GABRB1: variants seen among roughly 807,000 people sequenced by gnomAD.
The protein encoded by GABRB1 is gamma-aminobutyric acid type A receptor subunit beta1, also known as gamma-aminobutyric acid receptor subunit beta-1.
Under a neutral mutation model 51.6 loss-of-function variants are expected in GABRB1, and 17 were observed. The ratio of observed to expected loss-of-function variants is 0.33; its 90% CI spans 0.23 to 0.49. The LOEUF is 0.49. Among genes scored for constraint, GABRB1 ranks in the 20% least tolerant of loss-of-function variants. The pLI is 0.99. For missense variants in GABRB1, 410 were observed against 600.6 expected (o/e 0.68, Z 3.32); for synonymous variants, 247 against 218.9 (o/e 1.13, Z -1.14).
intron 5 of GABRB1, among the ~76,000 whole-genome samples, chr4:47,353,546 T>C (rs1726441497): frequency 6.6e-6 from 1 of 152,198 alleles, no homozygotes; most frequent in East Asian, 1.9e-4. Context: ...GGCGAAGTGA[T>C]ATAATAGAAA....
chr4:47,125,555 A>ATTTTTTTTTTTTTTTTTTTTTT (rs570181191), intron 3 of GABRB1, among the ~76,000 whole-genome samples: 2 of 21,020 alleles, frequency 9.5e-5, no homozygotes, highest in Non-Finnish European at 2.1e-4. Flanking sequence ...ACAAAGTATA[A>ATTTTTTTTTTTTTTTTTTTTTT]TTTCTTTTTT....
chr4:47,374,885 C>T (rs976194516), intron 5 of GABRB1, among the ~76,000 whole-genome samples: 1 of 152,126 alleles, frequency 6.6e-6, no homozygotes, highest in African/African-American at 2.4e-5. Context: ...CATAAAGGGC[C>T]TTGCAGTCCA....
intron 3 of GABRB1, among the ~76,000 whole-genome samples, chr4:47,062,187 C>T (rs1010017289): frequency 5.9e-5 from 9 of 152,016 alleles, no homozygotes; most frequent in South Asian, 2.1e-4. Context: ...CCAAATTCCA[C>T]GAAGAACAGA....
chr4:47,237,346 A>G (rs1465251058), intron 4 of GABRB1, among the ~76,000 whole-genome samples: 2 of 152,044 alleles, frequency 1.3e-5, no homozygotes, highest in African/African-American at 2.4e-5. Context: ...GAAAAACCAG[A>G]GAAATAAACT....
In GABRB1 at chr4:47,280,757, C is replaced by T. The variant is rs530805395; in HGVS notation, c.462-39370C>T. 2.0e-5 allele frequency among the ~76,000 whole-genome samples: 3 copies of T among 151,794 alleles called. No homozygotes were observed. In the East Asian group the frequency reaches 5.8e-4, roughly 29 times the overall value. On this transcript the variant is annotated intron_variant, in intron 4 of 8. Transcript: ENST00000295454. Reference sequence around the variant, plus strand: ...CTAACATTTGGGCTTAAGAGATCCTCCCACCTCTGCCTCCAAAGAAGCTAA... The same window carrying T: ...CTAACATTTGGGCTTAAGAGATCCTTCCACCTCTGCCTCCAAAGAAGCTAA...
intron 8 of GABRB1, among the ~76,000 whole-genome samples, chr4:47,416,450 T>C (rs1417964976): frequency 6.6e-6 from 1 of 151,950 alleles, no homozygotes; most frequent in Admixed American, 6.6e-5. Flanking sequence ...ATCATTTGTT[T>C]TACTTTTTTT....
At chr4:47,279,114 GGA>G (rs1474757469) in intron 4 of GABRB1, among the ~76,000 whole-genome samples, 1 of 151,854 alleles carries the variant, frequency 6.6e-6, no homozygotes. Context: ...ATGGATGGAT[GGA>G]TGGATGGATG....
intron 4 of GABRB1, among the ~76,000 whole-genome samples, chr4:47,316,238 A>G (rs1222220822): frequency 1.3e-5 from 2 of 151,622 alleles, no homozygotes; most frequent in Non-Finnish European, 3.0e-5. Context: ...TTTTCCTTTC[A>G]TCACTCCCTT....
At chr4:47,275,384 C>T (rs1723037092) in intron 4 of GABRB1, among the ~76,000 whole-genome samples, 1 of 152,042 alleles carries the variant, frequency 6.6e-6, no homozygotes, top group Non-Finnish European at 1.5e-5. Context: ...AATAAAAAGC[C>T]CTGCGTTCCT....
intron 5 of GABRB1, among the ~76,000 whole-genome samples, chr4:47,399,009 C>T (rs895048545): frequency 2.0e-5 from 3 of 152,218 alleles, no homozygotes; most frequent in African/African-American, 4.8e-5. Context: ...CCAGGATGGT[C>T]TCAATCTCCT....
intron 3 of GABRB1, among the ~76,000 whole-genome samples, chr4:47,100,823 G>A (rs1714687283): frequency 1.3e-5 from 2 of 151,984 alleles, no homozygotes; most frequent in African/African-American, 4.8e-5. Context: ...AACCATACAA[G>A]AGTTTATGTT....
At chr4:47,174,139 A>T (rs6447539) in intron 4 of GABRB1, among the ~76,000 whole-genome samples, 107,708 of 151,962 alleles carry the variant, frequency 0.71, 38,642 homozygotes, top group Middle Eastern at 0.86. Context: ...ATCATGGCTC[A>T]CTGCAACCTC....
chr4:47,215,391 C>G (rs766830283), intron 4 of GABRB1, among the ~76,000 whole-genome samples: 2 of 152,010 alleles, frequency 1.3e-5, no homozygotes, highest in Non-Finnish European at 2.9e-5. Context: ...CCTTATAAAA[C>G]AGTAATTCTC....
intron 4 of GABRB1, among the ~76,000 whole-genome samples, chr4:47,260,043 C>G (rs969767062): frequency 1.3e-5 from 2 of 152,086 alleles, no homozygotes; most frequent in Non-Finnish European, 2.9e-5. Flanking sequence ...GGATAGTTAG[C>G]TCTTCTTGTT....
In GABRB1 at chr4:47,199,245, ATAAGT is replaced by A. The variant is rs1407932848; in HGVS notation, c.461+37780_461+37784del. Among the ~76,000 whole-genome samples the A allele has an allele frequency of 2.6e-5, 4 of 152,308 alleles. No homozygotes were observed. The East Asian group carries it at 7.7e-4, about 29-fold the overall frequency. On this transcript the variant is annotated intron_variant, in intron 4 of 8. Transcript: ENST00000295454. ...ATTCTTAACTTACTCAAATTGCAAA[ATAAGT>A]TAAATTAGGAGATTAACTCTCAGAA...
chr4:47,416,828 G>A (rs1486744470), intron 8 of GABRB1, among the ~76,000 whole-genome samples: 1 of 151,998 alleles, frequency 6.6e-6, no homozygotes, highest in Non-Finnish European at 1.5e-5. Flanking sequence ...GATCATTCCA[G>A]CTTCTATGTA....
chr4:47,298,460 C>T (rs1012401649), intron 4 of GABRB1, among the ~76,000 whole-genome samples: 7 of 151,968 alleles, frequency 4.6e-5, no homozygotes, highest in Admixed American at 3.9e-4. Context: ...AAACAGAGAG[C>T]CAAATCATAA....
In GABRB1 at chr4:47,003,504, A is replaced by G. The variant is rs533490711; in HGVS notation, c.-20+9578A>G. 6.0e-4 allele frequency among the ~76,000 whole-genome samples: 92 copies of G among 152,360 alleles called. 1 individual carries two copies. The highest frequency in any genetic ancestry group is 2.1e-3 in the African/African-American group (87 of 41,580). Reference sequence around the variant, plus strand: ...AAATAACAATATTTTAAACCAAAAGAAACCTCTCACATTTCAGACTTGACA... The same window carrying G: ...AAATAACAATATTTTAAACCAAAAGGAACCTCTCACATTTCAGACTTGACA... On this transcript the variant is annotated intron_variant, in intron 1 of 3. Transcript: ENST00000513567.
intron 4 of GABRB1, among the ~76,000 whole-genome samples, chr4:47,246,020 G>A (rs1027776003): frequency 7.4e-5 from 11 of 148,460 alleles, no homozygotes; most frequent in East Asian, 2.0e-4. Flanking sequence ...CATCATCCAA[G>A]CAGTATACAC....
Sources: gnomAD v4.1 joint callset for allele counts (sites outside exome capture counted in the v4.1 genomes callset) on GRCh38, gnomAD v4.1.1 for gene constraint, MANE v1.5 for transcripts, NCBI Gene and HGNC (gene_info 2026-07-23, HGNC 2026-07-21) for gene names.